RIMS2: variants seen among roughly 807,000 people sequenced by gnomAD.
The protein encoded by RIMS2 is regulating synaptic membrane exocytosis 2.
Under a neutral mutation model 174.4 loss-of-function variants are expected in RIMS2, and 59 were observed. The observed-to-expected ratio is 0.34, with a 90% CI of 0.27 to 0.42. RIMS2 has a LOEUF of 0.42. Among genes scored for constraint, RIMS2 ranks in the 10% least tolerant of loss-of-function variants. RIMS2 has a pLI of 1.00. For missense variants in RIMS2, 1,620 were observed against 1,666.3 expected (o/e 0.97, Z 0.48); for synonymous variants, 606 against 572.5 (o/e 1.06, Z -0.84).
At chr8:103,709,122 T>G (rs1564366468) in intron 2 of RIMS2, among the ~76,000 whole-genome samples, 1 of 152,196 alleles carries the variant, frequency 6.6e-6, no homozygotes, top group Non-Finnish European at 1.5e-5. Flanking sequence ...TCAAATCTGC[T>G]GTTTATAAAA....
intron 1 of RIMS2, among the ~76,000 whole-genome samples, chr8:103,591,501 C>T (rs1050558432): frequency 2.6e-5 from 4 of 151,038 alleles, no homozygotes; most frequent in Non-Finnish European, 4.5e-5. Context: ...CTAAATATTA[C>T]AGATATTCTG....
At chr8:103,890,681 G>A (rs891239436) in intron 4 of RIMS2, among the ~76,000 whole-genome samples, 6 of 151,382 alleles carry the variant, frequency 4.0e-5, no homozygotes, top group Admixed American at 2.0e-4. Context: ...TTTCTTTTTC[G>A]TTTTTTGTGT....
intron 3 of RIMS2, among the ~76,000 whole-genome samples, chr8:103,884,985 T>A (rs1479887045): frequency 6.6e-6 from 1 of 151,850 alleles, no homozygotes; most frequent in Non-Finnish European, 1.5e-5. Flanking sequence ...GTAGTGGAAG[T>A]GTACGTAGCA....
chr8:103,693,127 G>A (rs2097053196), intron 1 of RIMS2, among the ~76,000 whole-genome samples: 1 of 152,168 alleles, frequency 6.6e-6, no homozygotes, highest in African/African-American at 2.4e-5. Context: ...GGGTGGCTGA[G>A]TTCTGCCTGA....
intron 2 of RIMS2, among the ~76,000 whole-genome samples, chr8:103,755,084 G>C (rs1316286053): frequency 1.3e-5 from 2 of 152,138 alleles, no homozygotes; most frequent in African/African-American, 4.8e-5. Context: ...TCCTTTCCAT[G>C]TTTAGTGCTT....
At chr8:103,990,622 TGAAAGGA>T (rs1394459419) in intron 17 of RIMS2, among the ~76,000 whole-genome samples, 1 of 152,008 alleles carries the variant, frequency 6.6e-6, no homozygotes, top group East Asian at 1.9e-4. Flanking sequence ...GATTAGGAGT[TGAAAGGA>T]GTCATATTAG....
chr8:104,093,690 T>C (rs1329758421), intron 19 of RIMS2, 47 bp downstream of exon 24: 4 of 1,386,706 alleles, frequency 2.9e-6, no homozygotes, highest in East Asian at 4.6e-5. Flanking sequence ...TTTTAGAAGG[T>C]CTTTATGTTT....
chr8:104,010,650 T>A (rs2095729340), intron 17 of RIMS2, among the ~76,000 whole-genome samples: 1 of 152,094 alleles, frequency 6.6e-6, no homozygotes, highest in Non-Finnish European at 1.5e-5. Context: ...AAAAAAGAAC[T>A]ATAAATAGAG....
At chr8:103,504,395 G>A (rs1436880998) in intron 1 of RIMS2, among the ~76,000 whole-genome samples, 1 of 151,996 alleles carries the variant, frequency 6.6e-6, no homozygotes, top group Non-Finnish European at 1.5e-5. Flanking sequence ...GGACAATGAG[G>A]AATCATTGTT....
intron 18 of RIMS2, 37 bp downstream of exon 20, chr8:104,013,658 C>G (rs1158969784): frequency 3.2e-6 from 5 of 1,557,078 alleles, no homozygotes; most frequent in Non-Finnish European, 4.4e-6. Context: ...TTCCCCTTTG[C>G]CCCACCAGCA....
chr8:103,940,590 A>G (rs1266037388), intron 13 of RIMS2, among the ~76,000 whole-genome samples: 1 of 152,150 alleles, frequency 6.6e-6, no homozygotes, highest in Non-Finnish European at 1.5e-5. Context: ...CTAAGGAACC[A>G]AAGAGTGGTA....
intron 19 of RIMS2, among the ~76,000 whole-genome samples, chr8:104,218,745 A>G (rs1204201470): frequency 1.3e-5 from 2 of 152,158 alleles, no homozygotes; most frequent in African/African-American, 4.8e-5. Context: ...GGCAGAGCTC[A>G]GGTGGTAATG....
rs942482533 is a variant in RIMS2 at position 104,173,774 on chromosome 8, A to G, written c.3335-71142A>G. ...CTCCCGAGTAGCTGGGACTACAGGC[A>G]CCCGCCACCATGCCTGGCTAATTTT... On this transcript the variant is annotated intron_variant, in intron 19 of 23. Transcript: ENST00000504942. 4.9e-4 allele frequency among the ~76,000 whole-genome samples: 73 copies of G among 150,022 alleles called. 2 individuals carry two copies. Among genetic ancestry groups the G allele is most frequent in the South Asian group, 3.2e-3 (15 of 4,744 alleles).
intron 14 of RIMS2, among the ~76,000 whole-genome samples, chr8:103,956,266 G>A (rs187489815): frequency 6.6e-6 from 1 of 151,948 alleles, no homozygotes; most frequent in East Asian, 1.9e-4. Flanking sequence ...ATTTCATATG[G>A]AACCAAAAAA....
chr8:104,102,345 T>C (rs1462312958), intron 19 of RIMS2, among the ~76,000 whole-genome samples: 2 of 152,168 alleles, frequency 1.3e-5, no homozygotes, highest in African/African-American at 4.8e-5. Flanking sequence ...CACTCTTGAT[T>C]AGTTCTTCTC....
chr8:103,500,792 C>G lies in RIMS2; in HGVS notation c.-95C>G, dbSNP rs1054242632. 8 of 685,214 alleles carry G rather than the reference C, an allele frequency of 1.2e-5. No individual in the cohort carries two copies. The South Asian group carries it at 1.4e-4, about 12-fold the overall frequency. The allele number at this position is 685,214 out of a possible 1,614,324, so 42.4% of individuals were successfully genotyped here. A position where few individuals can be genotyped will look rare whatever the true frequency, so the allele number is the denominator to read the frequency against. On this transcript the variant is annotated 5_prime_UTR_variant, in exon 1 of 24. Transcript: ENST00000504942. ...GGCCATTGATTTGTATGTATTTGTC[C>G]CAGCGCTGGAGGCTGCCCCAGCCGC...
At chr8:104,166,180 C>A (rs1270146546) in intron 19 of RIMS2, among the ~76,000 whole-genome samples, 2 of 151,264 alleles carry the variant, frequency 1.3e-5, no homozygotes, top group African/African-American at 4.9e-5. Flanking sequence ...CATTCTCCTG[C>A]CTCAGCCTCC....
At chr8:103,843,358 T>C (rs758210992) in intron 3 of RIMS2, among the ~76,000 whole-genome samples, 1 of 152,206 alleles carries the variant, frequency 6.6e-6, no homozygotes, top group Non-Finnish European at 1.5e-5. Context: ...GCAATCCCCC[T>C]GCCTCAGCCT....
intron 14 of RIMS2, among the ~76,000 whole-genome samples, chr8:103,952,026 G>A (rs570068747): frequency 6.6e-6 from 1 of 152,180 alleles, no homozygotes; most frequent in Non-Finnish European, 1.5e-5. Flanking sequence ...GCTCAGCAAG[G>A]CCACTGTGGC....
Sources: gnomAD v4.1 joint callset for allele counts (sites outside exome capture counted in the v4.1 genomes callset) on GRCh38, gnomAD v4.1.1 for gene constraint, MANE v1.5 for transcripts, NCBI Gene and HGNC (gene_info 2026-07-23, HGNC 2026-07-21) for gene names.